Variants in SLTM observed in about 807,000 individuals in gnomAD.
SLTM encodes the protein SAFB-like transcription modulator.
In SLTM, 43 loss-of-function variants were observed where a neutral mutation model predicts 134.6. The ratio of observed to expected loss-of-function variants is 0.32; its 90% CI spans 0.25 to 0.41. SLTM has a LOEUF of 0.41. Among genes scored for constraint, SLTM ranks in the 10% least tolerant of loss-of-function variants. SLTM has a pLI of 1.00. For missense variants in SLTM, 1,055 were observed against 1,288.8 expected, an observed-to-expected ratio of 0.82 and a Z score of 2.78; for synonymous variants, 424 against 432.3, an observed-to-expected ratio of 0.98 and a Z score of 0.24.
At chr15:58,904,180 T>A (rs1567131368) in intron 5 of SLTM, among the ~76,000 whole-genome samples, 1 of 152,048 alleles carries the variant, frequency 6.6e-6, no homozygotes, top group African/African-American at 2.4e-5. Context: ...ATTTTTTTGA[T>A]ATTTTTTTTT....
chr15:58,912,505 C>T, intron 5 of SLTM, 58 bp downstream of exon 5: 2 of 1,372,962 alleles, frequency 1.5e-6, no homozygotes, highest in South Asian at 1.2e-5. Flanking sequence ...AAATAAGATT[C>T]CTTTTCCAAG....
chr15:58,897,293 A>T, intron 8 of SLTM, 60 bp from the exon 9 acceptor site: 1 of 933,998 alleles, frequency 1.1e-6, no homozygotes, highest in Non-Finnish European at 1.7e-6. Flanking sequence ...ATACAAAACT[A>T]TAAGGGCCAC....
chr15:58,892,984 ATC>A lies in SLTM; in HGVS notation c.1809_1810del (p.Glu603AspfsTer5). 1 of 1,590,666 alleles carries A rather than the reference ATC, an allele frequency of 6.3e-7. No individual in the cohort carries two copies. The highest frequency in any genetic ancestry group is 8.6e-7 in the Non-Finnish European group (1 of 1,158,834). ...TTCCTTCATCTTTTCAAAAGGCAAG[ATC>A]TCTTTCCTTCTGTAGTCTTTATCTC... is the stretch of plus-strand genomic sequence containing the variant. On this transcript the variant is annotated frameshift_variant, in exon 14 of 21. Transcript: ENST00000380516. LOFTEE classifies it high-confidence loss of function.
Position 58,880,152 on chromosome 15 carries a change from AATC to A in SLTM, c.2997-48_2997-46del, listed in dbSNP as rs772814156. ...AAAAAACATCAGAGAACAAAGAACA[AATC>A]ATCACTGCAAATACCAGGCACTGTT... On this transcript the variant is annotated intron_variant, in intron 20 of 20. Coordinates refer to ENST00000380516, the MANE Select transcript of SLTM (RefSeq NM_024755.4). 6.4e-4 allele frequency: 1,016 copies of A among 1,598,374 alleles called. 5 individuals are homozygous for A. In the Middle Eastern group the frequency reaches 0.019, roughly 31 times the overall value.
intron 19 of SLTM, among the ~76,000 whole-genome samples, chr15:58,884,761 A>G (rs2034044679): frequency 6.6e-6 from 1 of 151,946 alleles, no homozygotes; most frequent in Non-Finnish European, 1.5e-5. Context: ...CCTCCTGCCT[A>G]GCTGGGACTA....
chr15:58,880,760 T>A (rs1414230706), intron 20 of SLTM, among the ~76,000 whole-genome samples: 1 of 151,890 alleles, frequency 6.6e-6, no homozygotes. Flanking sequence ...GAGACAGGGT[T>A]GCGCCATGTT....
chr15:58,883,657 C>G lies in SLTM; in HGVS notation c.2965G>C (p.Ala989Pro), dbSNP rs747255748. ...HDTRRMGDGR[A>P]GAGMITQHSS... is the part of the protein sequence containing the mutation. ...TGTTGGGTTATCATGCCTGCTCCTG[C>G]CCGGCCGTCACCCATTCGCCTCGTA... The change falls in exon 20 of 21, where the codon GCA becomes CCA. Residue 989 changes from alanine (A) to proline (P), a missense_variant. Ala to Pro is a conservative substitution (Grantham distance 27, BLOSUM62 -1). This residue lies in a region of SLTM where 776 missense variants were observed against 962.2 expected (regional missense o/e 0.81). Transcript: ENST00000380516. 3.1e-6 allele frequency: 5 copies of G among 1,614,134 alleles called. No homozygotes were observed. In the South Asian group the frequency reaches 5.5e-5, roughly 18 times the overall value.
At position 58,892,982 on chromosome 15, in the gene SLTM, A is replaced by G. The variant is rs188903111; in HGVS notation, c.1813T>C (p.Leu605=). 2.8e-4 allele frequency: 456 copies of G among 1,613,808 alleles called. 3 individuals carry two copies. In the East Asian group the frequency reaches 6.0e-3, roughly 21 times the overall value. The change falls in exon 14 of 21, where the codon TTG becomes CTG. Residue 605 remains leucine (L), a synonymous_variant. Coordinates refer to ENST00000380516, the MANE Select transcript of SLTM (RefSeq NM_024755.4). ...TGTTCCTTCATCTTTTCAAAAGGCA[A>G]GATCTCTTTCCTTCTGTAGTCTTTA... ...RDKDYRRKEI[L]PFEKMKEQRL...
Position 58,917,008 on chromosome 15 carries a change from G to C in SLTM, c.251-9C>G. ...TGCTTCATGTTTTTTACCTGCGAAAGAAGGAAAATGGGCTAACAACCAATA... is the reference window on the plus strand; with the variant it reads ...TGCTTCATGTTTTTTACCTGCGAAACAAGGAAAATGGGCTAACAACCAATA... On this transcript the variant is annotated splice_polypyrimidine_tract_variant and intron_variant, in intron 2 of 20. Transcript: ENST00000380516. 1 of 1,612,964 alleles carries C rather than the reference G, an allele frequency of 6.2e-7. No individual in the cohort carries two copies.
At chr15:58,922,234 G>A (rs537495330) in intron 2 of SLTM, among the ~76,000 whole-genome samples, 19 of 151,194 alleles carry the variant, frequency 1.3e-4, no homozygotes, top group African/African-American at 3.6e-4. Flanking sequence ...AAAAGTAGCC[G>A]GGTGTGGTGA....
intron 9 of SLTM, among the ~76,000 whole-genome samples, chr15:58,896,676 T>C (rs1805369580): frequency 6.6e-6 from 1 of 152,204 alleles, no homozygotes; most frequent in African/African-American, 2.4e-5. Flanking sequence ...TATATTTTTC[T>C]CCATTACTGG....
intron 1 of SLTM, among the ~76,000 whole-genome samples, chr15:58,932,702 C>G (rs751056554): frequency 1.3e-5 from 2 of 152,178 alleles, no homozygotes; most frequent in Non-Finnish European, 2.9e-5. Flanking sequence ...TCACATCATA[C>G]TGGCCAAAAA....
At position 58,883,620 on chromosome 15, in the gene SLTM, A is replaced by G; in HGVS notation, c.2996+6T>C. 6.2e-7 allele frequency: 1 copy of G among 1,613,798 alleles called. No homozygotes were observed. On this transcript the variant is annotated splice_donor_region_variant and intron_variant, in intron 20 of 20. Coordinates refer to ENST00000380516, the MANE Select transcript of SLTM (RefSeq NM_024755.4). ...GTGCTGGCAGAAAAACTGGTTAGTT[A>G]TTTACCTTGAATGTTGGGTTATCAT...
intron 9 of SLTM, among the ~76,000 whole-genome samples, chr15:58,896,706 G>GATCA (rs1567120450): frequency 1.3e-5 from 2 of 151,910 alleles, no homozygotes; most frequent in African/African-American, 4.8e-5. Flanking sequence ...CTGTAACAAG[G>GATCA]ATCATATCTG....
intron 20 of SLTM, among the ~76,000 whole-genome samples, chr15:58,882,892 A>C (rs970818673): frequency 6.6e-6 from 1 of 152,248 alleles, no homozygotes; most frequent in African/African-American, 2.4e-5. Context: ...TTTTGTGTTA[A>C]ATGTCTAAAA....
chr15:58,930,485 T>C (rs1302985607), intron 2 of SLTM, among the ~76,000 whole-genome samples: 1 of 151,706 alleles, frequency 6.6e-6, no homozygotes, highest in Non-Finnish European at 1.5e-5. Flanking sequence ...ATCAGAGTTA[T>C]GGAATAAAGT....
At chr15:58,922,887 T>G (rs1404807208) in intron 2 of SLTM, among the ~76,000 whole-genome samples, 2 of 151,830 alleles carry the variant, frequency 1.3e-5, no homozygotes, top group African/African-American at 4.8e-5. Context: ...AGCTAATTTT[T>G]GTATTTTTAG....
At chr15:58,894,906 T>C (rs1485621137) in intron 9 of SLTM, among the ~76,000 whole-genome samples, 2 of 152,110 alleles carry the variant, frequency 1.3e-5, no homozygotes, top group African/African-American at 4.8e-5. Context: ...GGTTTTGCCA[T>C]GTTGGCCAGG....
intron 6 of SLTM, chr15:58,900,571 A>G (rs28675733): frequency 3.3e-5 from 5 of 152,682 alleles, no homozygotes; most frequent in African/African-American, 1.2e-4. Flanking sequence ...CATTCCCCCA[A>G]AACAGAAAGG....
Sources: gnomAD v4.1 joint callset for allele counts (sites outside exome capture counted in the v4.1 genomes callset) on GRCh38, gnomAD v4.1.1 for gene constraint, gnomAD v4.1.1 regional missense constraint, MANE v1.5 for transcripts, NCBI Gene and HGNC (gene_info 2026-07-23, HGNC 2026-07-21) for gene names.